Variants in AGBL1 observed in about 807,000 individuals in gnomAD.
AGBL1 encodes the protein cytosolic carboxypeptidase 4.
In AGBL1, 130 loss-of-function variants were observed where a neutral mutation model predicts 118.9. The observed-to-expected ratio is 1.09, with a 90% CI of 0.95 to 1.26. The LOEUF is 1.26. AGBL1 is among the 50% of genes most tolerant of loss of function. The probability of loss-of-function intolerance (pLI) is 0.00; values close to 1 mark genes in which losing one functional copy is unlikely to be tolerated. For synonymous variants in AGBL1, 555 were observed against 478.9 expected (o/e 1.16, Z -2.08); for missense variants, 1,584 against 1,298.1 (o/e 1.22, Z -3.38).
intron 18 of AGBL1, among the ~76,000 whole-genome samples, chr15:86,476,633 G>C (rs909026543): frequency 1.3e-5 from 2 of 152,154 alleles, no homozygotes; most frequent in African/African-American, 4.8e-5. Flanking sequence ...ATAATAATGG[G>C]AGAATTTAAC....
chr15:86,328,316 G>T lies in AGBL1; in HGVS notation c.2374+32908G>T, dbSNP rs551143613. ...AAAGTGAACAAGTGAGAGAAATGGAGAGAGAACGATACAGAAAGTATGGTA... is the reference window on the plus strand; with the variant it reads ...AAAGTGAACAAGTGAGAGAAATGGATAGAGAACGATACAGAAAGTATGGTA... On this transcript the variant is annotated intron_variant, in intron 17 of 22. Coordinates refer to ENST00000614907, the MANE Select transcript of AGBL1 (RefSeq NM_001386094.1). Among the ~76,000 whole-genome samples the T allele has an allele frequency of 2.1e-3, 324 of 152,250 alleles. 2 individuals carry two copies. Among genetic ancestry groups the T allele is most frequent in the African/African-American group, 7.5e-3 (312 of 41,546 alleles).
intron 22 of AGBL1, among the ~76,000 whole-genome samples, chr15:86,902,549 A>G (rs923864818): frequency 6.6e-6 from 1 of 151,964 alleles, no homozygotes; most frequent in Non-Finnish European, 1.5e-5. Context: ...TTTATTATTT[A>G]TGTTTAGAGA....
chr15:86,567,519 C>T (rs2083933239), intron 21 of AGBL1, among the ~76,000 whole-genome samples: 1 of 152,204 alleles, frequency 6.6e-6, no homozygotes, highest in Admixed American at 6.5e-5. Flanking sequence ...GGGAAGGAAA[C>T]AGATTTAAAT....
At chr15:86,511,108 A>C (rs1005987788) in intron 18 of AGBL1, among the ~76,000 whole-genome samples, 1 of 152,112 alleles carries the variant, frequency 6.6e-6, no homozygotes, top group African/African-American at 2.4e-5. Flanking sequence ...TAGTGAATAA[A>C]GTGTTTTTAT....
chr15:86,741,002 C>T (rs151304422), intron 22 of AGBL1, among the ~76,000 whole-genome samples: 211 of 152,126 alleles, frequency 1.4e-3, no homozygotes, highest in Admixed American at 7.1e-3. Flanking sequence ...CATGGAAGAA[C>T]GACTGCTTAC....
At chr15:86,931,494 A>G (rs2062021836) in intron 23 of AGBL1, among the ~76,000 whole-genome samples, 1 of 151,914 alleles carries the variant, frequency 6.6e-6, no homozygotes, top group Non-Finnish European at 1.5e-5. Flanking sequence ...TTTGGTAACA[A>G]TAGGAATCTA....
At chr15:86,201,512 A>G (rs2077906565) in intron 5 of AGBL1, among the ~76,000 whole-genome samples, 1 of 152,218 alleles carries the variant, frequency 6.6e-6, no homozygotes, top group Admixed American at 6.5e-5. Flanking sequence ...AGATGATGTT[A>G]TCACAAAACA....
At chr15:86,277,316 G>GTA (rs1034251981) in intron 15 of AGBL1, among the ~76,000 whole-genome samples, 1 of 99,792 alleles carries the variant, frequency 1.0e-5, no homozygotes, top group African/African-American at 5.6e-5. Flanking sequence ...GTGTGTGTGT[G>GTA]TATGTGTGTG....
At chr15:87,019,286 A>G (rs1298222546) in intron 24 of AGBL1, among the ~76,000 whole-genome samples, 2 of 152,190 alleles carry the variant, frequency 1.3e-5, no homozygotes, top group Non-Finnish European at 2.9e-5. Context: ...AGATATCTAT[A>G]GAACTCTCCA....
At chr15:86,267,583 T>C (rs1053858122) in intron 13 of AGBL1, among the ~76,000 whole-genome samples, 2 of 152,168 alleles carry the variant, frequency 1.3e-5, no homozygotes, top group African/African-American at 4.8e-5. Context: ...CAAGGGAAGA[T>C]GCAGTACCAT....
At chr15:86,228,517 G>A (rs1216704208) in intron 6 of AGBL1, among the ~76,000 whole-genome samples, 1 of 152,150 alleles carries the variant, frequency 6.6e-6, no homozygotes, top group Non-Finnish European at 1.5e-5. Flanking sequence ...GCAGTCAGTG[G>A]TCCTGTGACA....
At chr15:86,936,009 C>T (rs1331453872) in intron 23 of AGBL1, among the ~76,000 whole-genome samples, 1 of 152,230 alleles carries the variant, frequency 6.6e-6, no homozygotes, top group African/African-American at 2.4e-5. Flanking sequence ...GCTGAAGAGC[C>T]CTGCTCCAGC....
intron 22 of AGBL1, among the ~76,000 whole-genome samples, chr15:86,829,897 C>T (rs947103735): frequency 6.6e-6 from 1 of 152,050 alleles, no homozygotes; most frequent in Non-Finnish European, 1.5e-5. Flanking sequence ...GCACCCTGGC[C>T]TAAGGATTAA....
intron 22 of AGBL1, among the ~76,000 whole-genome samples, chr15:86,759,877 A>G (rs1262675565): frequency 1.3e-5 from 2 of 152,126 alleles, no homozygotes; most frequent in East Asian, 1.9e-4. Context: ...TATTTCTGGT[A>G]CTTATGGTAA....
chr15:86,564,219 C>T (rs1486883675), intron 21 of AGBL1, among the ~76,000 whole-genome samples: 1 of 152,136 alleles, frequency 6.6e-6, no homozygotes, highest in Non-Finnish European at 1.5e-5. Flanking sequence ...CAGTTTCTTC[C>T]TAGCATCGAT....
intron 18 of AGBL1, among the ~76,000 whole-genome samples, chr15:86,464,796 G>A (rs967242790): frequency 6.6e-6 from 1 of 152,108 alleles, no homozygotes; most frequent in Non-Finnish European, 1.5e-5. Flanking sequence ...AAGCTGATTT[G>A]ATTGTGATGG....
intron 17 of AGBL1, among the ~76,000 whole-genome samples, chr15:86,354,508 C>G (rs1332397825): frequency 6.6e-6 from 1 of 152,016 alleles, no homozygotes; most frequent in Non-Finnish European, 1.5e-5. Context: ...GAATGATAAC[C>G]AACATTAAAT....
intron 24 of AGBL1, among the ~76,000 whole-genome samples, chr15:87,027,443 TTC>T (rs2081741551): frequency 7.3e-6 from 1 of 137,208 alleles, no homozygotes; most frequent in African/African-American, 2.8e-5. Flanking sequence ...ATATAAATAA[TTC>T]TATTATATAG....
intron 22 of AGBL1, among the ~76,000 whole-genome samples, chr15:86,892,132 C>T (rs1318305661): frequency 1.3e-5 from 2 of 152,104 alleles, no homozygotes. Flanking sequence ...CTAAACAGGT[C>T]AAACACCGTC....
Sources: gnomAD v4.1 joint callset for allele counts (sites outside exome capture counted in the v4.1 genomes callset) on GRCh38, gnomAD v4.1.1 for gene constraint, MANE v1.5 for transcripts, NCBI Gene and HGNC (gene_info 2026-07-23, HGNC 2026-07-21) for gene names.